ERC1: variants seen among roughly 807,000 people sequenced by gnomAD.
ERC1 encodes the protein RAB6 interacting protein 2.
ERC1 carries 56 observed loss-of-function variants against 132.0 expected under a neutral mutation model. The observed-to-expected ratio is 0.42, with a 90% CI of 0.34 to 0.53. The LOEUF is 0.53. ERC1 is among the 20% of genes least tolerant of loss of function. The pLI, the probability that ERC1 is intolerant of heterozygous loss-of-function variation, is 0.03. For synonymous variants in ERC1, 478 were observed against 476.1 expected, an observed-to-expected ratio of 1.00 and a Z score of -0.05; for missense variants, 1,202 against 1,349.9, an observed-to-expected ratio of 0.89 and a Z score of 1.72.
chr12:1,070,001 A>G (rs957866449), intron 2 of ERC1, among the ~76,000 whole-genome samples: 10 of 152,230 alleles, frequency 6.6e-5, no homozygotes, highest in Non-Finnish European at 1.3e-4. Flanking sequence ...AGTTGCAGAG[A>G]TAACCTTGTG....
chr12:1,449,822 G>C (rs1169650717), intron 18 of ERC1, among the ~76,000 whole-genome samples: 2 of 151,576 alleles, frequency 1.3e-5, no homozygotes, highest in East Asian at 3.9e-4. Context: ...ATATTTATTT[G>C]TTTCATCTAT....
chr12:1,340,650 G>T (rs769225022), intron 15 of ERC1, among the ~76,000 whole-genome samples: 1 of 152,124 alleles, frequency 6.6e-6, no homozygotes, highest in Admixed American at 6.5e-5. Flanking sequence ...CTGCTTCTGT[G>T]TGTTCCCTCC....
chr12:1,487,907 G>A (rs2094258261), intron 18 of ERC1, among the ~76,000 whole-genome samples: 1 of 152,124 alleles, frequency 6.6e-6, no homozygotes. Flanking sequence ...GGGAGGCCGA[G>A]GCGGGCGGAT....
intron 17 of ERC1, among the ~76,000 whole-genome samples, chr12:1,419,306 G>A (rs1202916329): frequency 1.3e-5 from 2 of 151,934 alleles, no homozygotes; most frequent in East Asian, 1.9e-4. Flanking sequence ...AATCTTTCTG[G>A]TAATGCATTT....
At position 1,042,338 on chromosome 12, in the gene ERC1, G is replaced by GTTTT. The variant is rs776086251; in HGVS notation, c.669+13781_669+13784dup. On this transcript the variant is annotated intron_variant, in intron 2 of 18. Coordinates refer to ENST00000360905, the MANE Select transcript of ERC1 (RefSeq NM_178040.4). ...AGATGTGAGCCATTGCGCCCGGCCT[G>GTTTT]TTTTTTTTTTTTTTTTTTCTTTTTT... 3.9e-4 allele frequency among the ~76,000 whole-genome samples: 47 copies of GTTTT among 120,972 alleles called. 1 individual carries two copies. Among genetic ancestry groups the GTTTT allele is most frequent in the Admixed American group, 1.1e-3 (11 of 10,192 alleles). 79.4% of individuals were successfully genotyped at this position (120,972 alleles called of 152,430 possible).
chr12:1,027,878 C>A lies in ERC1; in HGVS notation c.-26C>A. On this transcript the variant is annotated 5_prime_UTR_variant, in exon 2 of 19. Coordinates refer to ENST00000360905, the MANE Select transcript of ERC1 (RefSeq NM_178040.4). ...TGTTGTTGTTGTTGTTGATTTTCTG[C>A]TCACACCTTTCCTGACCTTGCAACC... 1 of 1,562,012 alleles carries A rather than the reference C, an allele frequency of 6.4e-7. No homozygotes were observed.
At chr12:1,315,176 C>T (rs1157867599) in intron 15 of ERC1, among the ~76,000 whole-genome samples, 1 of 152,084 alleles carries the variant, frequency 6.6e-6, no homozygotes, top group Non-Finnish European at 1.5e-5. Context: ...TGCACCACCA[C>T]ATTTGGCTAA....
At chr12:1,297,773 T>C (rs547542609) in intron 15 of ERC1, among the ~76,000 whole-genome samples, 50 of 152,178 alleles carry the variant, frequency 3.3e-4, no homozygotes, top group African/African-American at 1.1e-3. Flanking sequence ...AAATGTATTT[T>C]TTCTTCTCAG....
At chr12:1,199,452 T>G (rs994630022) in intron 12 of ERC1, among the ~76,000 whole-genome samples, 3 of 151,716 alleles carry the variant, frequency 2.0e-5, no homozygotes, top group African/African-American at 7.3e-5. Context: ...ATATTTTGAT[T>G]TATAAACAAC....
intron 15 of ERC1, among the ~76,000 whole-genome samples, chr12:1,329,987 G>C: frequency 6.6e-6 from 1 of 152,180 alleles, no homozygotes; most frequent in South Asian, 2.1e-4. Flanking sequence ...TAAAAGCTGA[G>C]ATGGCAATAT....
intron 15 of ERC1, among the ~76,000 whole-genome samples, chr12:1,354,720 G>A (rs542573214): frequency 1.3e-5 from 2 of 152,102 alleles, no homozygotes; most frequent in Non-Finnish European, 2.9e-5. Flanking sequence ...GCGCAGTGTC[G>A]GCTCACTGCA....
rs989322730 is a variant in ERC1 at position 1,255,621 on chromosome 12, C to T, written c.2488-7413C>T. Among the ~76,000 whole-genome samples, 154 of 61,506 alleles carry T rather than the reference C, an allele frequency of 2.5e-3. 1 individual carries two copies. Among genetic ancestry groups the T allele is most frequent in the African/African-American group, 5.4e-3 (90 of 16,660 alleles). 40.4% of individuals were successfully genotyped at this position (61,506 alleles called of 152,430 possible). A position where few individuals can be genotyped will look rare whatever the true frequency, so the allele number is the denominator to read the frequency against. On this transcript the variant is annotated intron_variant, in intron 13 of 18. Coordinates refer to ENST00000360905, the MANE Select transcript of ERC1 (RefSeq NM_178040.4). Reference sequence around the variant, plus strand: ...TCTTCAGCATCTGTTGCTTCCTGGCCTTTTTTTTTTTTTTTTTTTTTTTTT... The same window carrying T: ...TCTTCAGCATCTGTTGCTTCCTGGCTTTTTTTTTTTTTTTTTTTTTTTTTT...
In ERC1 at chr12:1,121,927, CTGTGTCTCTA is replaced by C. The variant is rs763461685; in HGVS notation, c.1569+5896_1569+5905del. On this transcript the variant is annotated intron_variant, in intron 7 of 18. Coordinates refer to ENST00000360905, the MANE Select transcript of ERC1 (RefSeq NM_178040.4). ...TCTCTATCTCTATCTCTATCTCTAT[CTGTGTCTCTA>C]TCTATCTCTATCTCTATCTCTATCT... Among the ~76,000 whole-genome samples the C allele has an allele frequency of 0.015, 50 of 3,390 alleles. 14 individuals are homozygous for C. In the East Asian group the frequency reaches 0.5, roughly 34 times the overall value. The allele number at this position is 3,390 out of a possible 152,430, so 2.2% of individuals were successfully genotyped here. A position where few individuals can be genotyped will look rare whatever the true frequency, so the allele number is the denominator to read the frequency against.
chr12:1,481,708 AC>A (rs1376037140), intron 18 of ERC1, among the ~76,000 whole-genome samples: 1 of 152,128 alleles, frequency 6.6e-6, no homozygotes, highest in African/African-American at 2.4e-5. Context: ...CTATTTTTAA[AC>A]ACCTTTTCCC....
chr12:1,340,917 G>A (rs891740893), intron 15 of ERC1, among the ~76,000 whole-genome samples: 3 of 151,868 alleles, frequency 2.0e-5, no homozygotes, highest in African/African-American at 7.3e-5. Flanking sequence ...CTCTTTTAAG[G>A]ATGTGTTTTC....
intron 18 of ERC1, among the ~76,000 whole-genome samples, chr12:1,454,187 A>G (rs1329849131): frequency 6.6e-6 from 1 of 152,236 alleles, no homozygotes; most frequent in African/African-American, 2.4e-5. Context: ...CCAGATAGCC[A>G]GCCGAACACA....
At chr12:1,076,470 C>T (rs578077594) in intron 2 of ERC1, among the ~76,000 whole-genome samples, 100 of 150,630 alleles carry the variant, frequency 6.6e-4, no homozygotes, top group African/African-American at 2.4e-3. Context: ...TCTCAGCTCA[C>T]TGCAACCTCT....
chr12:1,214,852 A>G (rs1271395869), intron 12 of ERC1, among the ~76,000 whole-genome samples: 1 of 152,206 alleles, frequency 6.6e-6, no homozygotes, highest in Non-Finnish European at 1.5e-5. Context: ...TAAAAAAGAT[A>G]AGAACACTCT....
Position 1,492,855 on chromosome 12 carries a change from T to C in ERC1, c.*2625T>C, listed in dbSNP as rs1259774333. On this transcript the variant is annotated 3_prime_UTR_variant, in exon 19 of 19. Coordinates refer to ENST00000360905, the MANE Select transcript of ERC1 (RefSeq NM_178040.4). ...CACTTAACCAAATGTCCCACTCCCA[T>C]CACACTAGGACTTGTCATTCCATGC... is the stretch of plus-strand genomic sequence containing the variant. 1 of 230,316 alleles carries C rather than the reference T, an allele frequency of 4.3e-6. No individual in the cohort carries two copies. The highest frequency in any genetic ancestry group is 8.6e-6 in the Non-Finnish European group (1 of 116,336). The allele number at this position is 230,316 out of a possible 1,614,324, so 14.3% of individuals were successfully genotyped here. A position where few individuals can be genotyped will look rare whatever the true frequency, so the allele number is the denominator to read the frequency against.
Sources: allele counts gnomAD v4.1 joint callset (sites outside exome capture counted in the v4.1 genomes callset), GRCh38; gene constraint gnomAD v4.1.1; transcripts MANE v1.5; gene names NCBI Gene and HGNC (gene_info 2026-07-23, HGNC 2026-07-21).